Variants in GLI3 observed in about 807,000 individuals in gnomAD.
GLI3 encodes transcription activator GLI3.
Under a neutral mutation model 100.8 loss-of-function variants are expected in GLI3, and 20 were observed. The ratio of observed to expected loss-of-function variants is 0.20; its 90% confidence interval spans 0.14 to 0.29. GLI3 has a LOEUF of 0.29. Among genes scored for constraint, GLI3 ranks in the 10% least tolerant of loss-of-function variants. GLI3 has a pLI of 1.00. For synonymous variants in GLI3, 938 were observed against 860.5 expected (o/e 1.09, Z -1.58); for missense variants, 2,040 against 2,128.5 (o/e 0.96, Z 0.82).
intron 2 of GLI3, among the ~76,000 whole-genome samples, chr7:42,207,653 A>G (rs777369870): frequency 3.2e-4 from 48 of 152,224 alleles, no homozygotes; most frequent in Admixed American, 8.5e-4. Flanking sequence ...GGATTGATTG[A>G]GTAAATTCAT....
At chr7:42,058,517 C>A (rs1398717181) in intron 4 of GLI3, among the ~76,000 whole-genome samples, 1 of 152,064 alleles carries the variant, frequency 6.6e-6, no homozygotes, top group Non-Finnish European at 1.5e-5. Flanking sequence ...TCAAAACTTA[C>A]AAAATATTGA....
At chr7:42,018,256 T>C (rs1788826716) in intron 10 of GLI3, among the ~76,000 whole-genome samples, 1 of 152,248 alleles carries the variant, frequency 6.6e-6, no homozygotes. Flanking sequence ...CTATATTTTA[T>C]ATGCCGTGTT....
In GLI3 at chr7:41,971,068, G is replaced by A. The variant is rs550164650; in HGVS notation, c.2103+1269C>T. Among the ~76,000 whole-genome samples, 4 of 151,394 alleles carry A rather than the reference G, an allele frequency of 2.6e-5. No homozygotes were observed. The South Asian group carries it at 8.4e-4, about 32-fold the overall frequency. Reference sequence around the variant, plus strand: ...AGCTGATTTGTGTTATTTTTGGCTAGACTTAATGTCACTCTCTAAGACTCT... The same window carrying A: ...AGCTGATTTGTGTTATTTTTGGCTAAACTTAATGTCACTCTCTAAGACTCT... On this transcript the variant is annotated intron_variant, in intron 13 of 14. Transcript: ENST00000395925.
At chr7:42,009,891 G>T (rs192559402) in intron 10 of GLI3, among the ~76,000 whole-genome samples, 7 of 152,268 alleles carry the variant, frequency 4.6e-5, no homozygotes, top group African/African-American at 1.4e-4. Context: ...CCTCTCTGTG[G>T]CCATCAGGAC....
chr7:42,144,065 G>A (rs547380891), intron 3 of GLI3, among the ~76,000 whole-genome samples: 2 of 152,298 alleles, frequency 1.3e-5, no homozygotes, highest in African/African-American at 4.8e-5. Flanking sequence ...TTCTGTAAAA[G>A]GGAAGCGAAT....
chr7:42,130,625 A>T (rs950055132), intron 3 of GLI3, among the ~76,000 whole-genome samples: 4 of 152,120 alleles, frequency 2.6e-5, no homozygotes, highest in African/African-American at 9.7e-5. Flanking sequence ...AAGAGAAGAG[A>T]CACACAGAAG....
intron 2 of GLI3, among the ~76,000 whole-genome samples, chr7:42,181,063 CCACA>C (rs1787581400): frequency 6.6e-6 from 1 of 152,182 alleles, no homozygotes. Flanking sequence ...GCTAAGGCAA[CCACA>C]CACAATCATA....
Position 41,965,154 on chromosome 7 carries a change from T to C in GLI3, c.3919A>G (p.Ser1307Gly), listed in dbSNP as rs1787126409. ...TGGTTCTGCATGCCATTCACCATGC[T>C]GCCAGCTGACTCATTTGGCGCTACC... Reference protein sequence around the residue: ...LPVAPNESAGSMVNGMQNQDP... With the variant: ...LPVAPNESAGGMVNGMQNQDP... Residue 1307 changes from serine to glycine, a missense_variant, in exon 15 of 15, where the codon AGC becomes GGC. Physicochemically the swap from Ser to Gly is moderately conservative, Grantham distance 56. This residue lies in a region of GLI3 where 1,041 missense variants were observed against 924.0 expected (regional missense o/e 1.13). Coordinates refer to ENST00000395925, the MANE Select transcript of GLI3 (RefSeq NM_000168.6). The C allele has an allele frequency of 6.2e-7, 1 of 1,613,830 alleles. No homozygotes were observed. Among genetic ancestry groups the C allele is most frequent in the Non-Finnish European group, 8.5e-7 (1 of 1,180,038 alleles).
chr7:42,088,885 C>T (rs576691520), intron 3 of GLI3, among the ~76,000 whole-genome samples: 2 of 152,342 alleles, frequency 1.3e-5, no homozygotes, highest in African/African-American at 4.8e-5. Context: ...CTCTCTTGCG[C>T]ACTTCCGCTT....
chr7:42,049,546 T>C (rs899315508), intron 4 of GLI3, among the ~76,000 whole-genome samples: 1 of 152,198 alleles, frequency 6.6e-6, no homozygotes, highest in African/African-American at 2.4e-5. Flanking sequence ...TCGGTTATAA[T>C]GAGCTAAGGT....
At chr7:42,253,241 C>T (rs1789051660) in intron 1 of GLI3, among the ~76,000 whole-genome samples, 1 of 152,214 alleles carries the variant, frequency 6.6e-6, no homozygotes, top group South Asian at 2.1e-4. Context: ...CCTGGTGCAC[C>T]TGGAATATGA....
chr7:42,192,311 CA>C (rs1787843039), intron 2 of GLI3, among the ~76,000 whole-genome samples: 1 of 152,140 alleles, frequency 6.6e-6, no homozygotes, highest in South Asian at 2.1e-4. Context: ...AGATGCTAGT[CA>C]CTGGAATCTC....
intron 2 of GLI3, among the ~76,000 whole-genome samples, chr7:42,221,014 G>C (rs1457212373): frequency 6.6e-6 from 1 of 152,200 alleles, no homozygotes; most frequent in Non-Finnish European, 1.5e-5. Flanking sequence ...GTGGGCTCAA[G>C]GGCACAAGCT....
chr7:42,209,224 A>C (rs1017711614), intron 2 of GLI3, among the ~76,000 whole-genome samples: 2 of 151,670 alleles, frequency 1.3e-5, no homozygotes, highest in African/African-American at 4.8e-5. Flanking sequence ...TTTTTTAATA[A>C]TTTTTTTGTA....
At chr7:42,195,485 T>A (rs144370470) in intron 2 of GLI3, among the ~76,000 whole-genome samples, 4 of 152,190 alleles carry the variant, frequency 2.6e-5, no homozygotes, top group African/African-American at 4.8e-5. Flanking sequence ...CCTCCTCACA[T>A]CTGTTTTTAC....
chr7:42,032,650 G>A (rs547965841), intron 7 of GLI3, among the ~76,000 whole-genome samples: 1 of 152,170 alleles, frequency 6.6e-6, no homozygotes, highest in East Asian at 1.9e-4. Context: ...GGGATATACT[G>A]GATTCCTTAA....
At chr7:42,186,705 A>G (rs1412465234) in intron 2 of GLI3, among the ~76,000 whole-genome samples, 2 of 152,184 alleles carry the variant, frequency 1.3e-5, no homozygotes, top group African/African-American at 4.8e-5. Flanking sequence ...CTAGACAAAC[A>G]TCATCTTTGA....
At chr7:42,047,858 A>C (rs1460786009) in intron 5 of GLI3, among the ~76,000 whole-genome samples, 4 of 152,224 alleles carry the variant, frequency 2.6e-5, no homozygotes, top group African/African-American at 9.6e-5. Context: ...GATGTTTTCT[A>C]AGACCTTGCC....
At chr7:42,262,028 C>CTCTCTT (rs1453724494) in intron 1 of GLI3, among the ~76,000 whole-genome samples, 1 of 145,660 alleles carries the variant, frequency 6.9e-6, no homozygotes, top group African/African-American at 2.5e-5. Flanking sequence ...CTCTCTCTCT[C>CTCTCTT]TCTTTCTTTC....
Sources: gnomAD v4.1 joint callset for allele counts (sites outside exome capture counted in the v4.1 genomes callset) on GRCh38, gnomAD v4.1.1 for gene constraint, gnomAD v4.1.1 regional missense constraint, MANE v1.5 for transcripts, NCBI Gene and HGNC (gene_info 2026-07-23, HGNC 2026-07-21) for gene names.